The following PPM1H variants were observed in gnomAD, a reference collection of about 807,000 sequenced individuals.
The protein encoded by PPM1H is protein phosphatase, Mg2+/Mn2+ dependent 1H, also known as protein phosphatase 1H.
Under a neutral mutation model 54.9 loss-of-function variants are expected in PPM1H, and 27 were observed. The observed-to-expected ratio is 0.49, with a 90% confidence interval of 0.36 to 0.68. The LOEUF (loss-of-function observed/expected upper bound fraction) is 0.68, where lower values mean the gene tolerates loss of function less well. PPM1H is among the 30% of genes least tolerant of loss of function. PPM1H has a pLI of 0.00. For synonymous variants in PPM1H, 305 were observed against 270.8 expected, an observed-to-expected ratio of 1.13 and a Z score of -1.24; for missense variants, 596 against 667.8, an observed-to-expected ratio of 0.89 and a Z score of 1.19.
At chr12:62,774,411 G>C (rs2076597668) in intron 4 of PPM1H, among the ~76,000 whole-genome samples, 1 of 152,100 alleles carries the variant, frequency 6.6e-6, no homozygotes, top group East Asian at 1.9e-4. Flanking sequence ...GCGTGATCAA[G>C]GTTCATTGCA....
intron 1 of PPM1H, among the ~76,000 whole-genome samples, chr12:62,929,444 G>A (rs1448149176): frequency 3.3e-5 from 5 of 152,250 alleles, no homozygotes; most frequent in East Asian, 1.9e-4. Flanking sequence ...CAAACATTGA[G>A]AATTAAAAAT....
intron 8 of PPM1H, among the ~76,000 whole-genome samples, chr12:62,684,682 T>C (rs544373887): frequency 2.0e-5 from 3 of 151,916 alleles, no homozygotes; most frequent in Non-Finnish European, 4.4e-5. Flanking sequence ...AACCCAAATG[T>C]GAAATAAAGA....
At chr12:62,897,168 G>A (rs1455399922) in intron 1 of PPM1H, among the ~76,000 whole-genome samples, 1 of 151,872 alleles carries the variant, frequency 6.6e-6, no homozygotes, top group Non-Finnish European at 1.5e-5. Flanking sequence ...GTTAATGGGT[G>A]CAGCACACAA....
intron 1 of PPM1H, among the ~76,000 whole-genome samples, chr12:62,933,742 T>C (rs1287299014): frequency 6.6e-6 from 1 of 151,976 alleles, no homozygotes; most frequent in Non-Finnish European, 1.5e-5. Context: ...CTTTCCCGAT[T>C]CCACTCTGGG....
chr12:62,845,029 A>G (rs1242154847), intron 1 of PPM1H, among the ~76,000 whole-genome samples: 2 of 152,134 alleles, frequency 1.3e-5, no homozygotes, highest in African/African-American at 4.8e-5. Flanking sequence ...TCCAAATTCC[A>G]CCTCTGGCTT....
intron 6 of PPM1H, among the ~76,000 whole-genome samples, chr12:62,697,803 C>T (rs185098465): frequency 1.3e-3 from 203 of 152,132 alleles, no homozygotes; most frequent in Non-Finnish European, 2.4e-3. Context: ...AAATCACTCG[C>T]TAGTTTTACA....
intron 9 of PPM1H, among the ~76,000 whole-genome samples, chr12:62,654,614 C>A (rs1045327174): frequency 1.3e-5 from 2 of 152,184 alleles, no homozygotes; most frequent in African/African-American, 2.4e-5. Flanking sequence ...TCCCTTCGTT[C>A]CTCCTCTAAA....
At chr12:62,692,137 C>T (rs544246910) in intron 7 of PPM1H, among the ~76,000 whole-genome samples, 20 of 152,114 alleles carry the variant, frequency 1.3e-4, no homozygotes, top group South Asian at 1.2e-3. Flanking sequence ...TAGGGGTACG[C>T]GGAGAAGAAA....
intron 1 of PPM1H, among the ~76,000 whole-genome samples, chr12:62,881,454 G>T (rs951548457): frequency 2.0e-5 from 3 of 151,678 alleles, no homozygotes; most frequent in Non-Finnish European, 4.4e-5. Context: ...GGGGAGGGGG[G>T]AAGAAAAAGA....
intron 1 of PPM1H, among the ~76,000 whole-genome samples, chr12:62,902,986 C>T (rs959556643): frequency 1.3e-5 from 2 of 152,152 alleles, no homozygotes; most frequent in African/African-American, 2.4e-5. Flanking sequence ...TATTTGATCA[C>T]TGCTTTTTTA....
Position 62,663,767 on chromosome 12 carries a change from G to A in PPM1H, c.1397+3411C>T, listed in dbSNP as rs569104601. Among the ~76,000 whole-genome samples the A allele has an allele frequency of 1.3e-4, 20 of 152,248 alleles. 1 individual carries two copies. In the East Asian group the frequency reaches 1.5e-3, roughly 12 times the overall value. ...AGCACTTTGGGAGGCCGAGGTGGGC[G>A]CATCACCTGAGGTTGGGAGCTCGAG... is the stretch of plus-strand genomic sequence containing the variant. On this transcript the variant is annotated intron_variant, in intron 9 of 9. Coordinates refer to ENST00000228705, the MANE Select transcript of PPM1H (RefSeq NM_020700.2).
At chr12:62,658,991 A>G (rs1005273233) in intron 9 of PPM1H, 12 of 721,080 alleles carry the variant, frequency 1.7e-5, no homozygotes, top group Non-Finnish European at 3.1e-5. Flanking sequence ...GATGCCCAAC[A>G]TTGGTTATGG....
intron 6 of PPM1H, among the ~76,000 whole-genome samples, chr12:62,708,265 TGA>T (rs1482086690): frequency 2.0e-5 from 3 of 152,114 alleles, no homozygotes; most frequent in African/African-American, 4.8e-5. Context: ...GGTGGTAGGA[TGA>T]GATTTTTCAG....
intron 6 of PPM1H, among the ~76,000 whole-genome samples, chr12:62,712,823 G>A (rs1311137514): frequency 6.6e-6 from 1 of 152,150 alleles, no homozygotes; most frequent in Non-Finnish European, 1.5e-5. Context: ...AATGAGGAGT[G>A]TCAGTTGGGG....
intron 1 of PPM1H, among the ~76,000 whole-genome samples, chr12:62,842,221 A>G (rs1490339301): frequency 4.6e-5 from 7 of 152,206 alleles, no homozygotes; most frequent in African/African-American, 1.7e-4. Flanking sequence ...AGCTATTTGC[A>G]TCTGTTGGTG....
chr12:62,825,368 C>A lies in PPM1H; in HGVS notation c.411+6746G>T, dbSNP rs375388117. Among the ~76,000 whole-genome samples the A allele has an allele frequency of 6.6e-5, 10 of 152,300 alleles. No individual in the cohort carries two copies. In the South Asian group the frequency reaches 1.0e-3, roughly 16 times the overall value. On this transcript the variant is annotated intron_variant, in intron 2 of 9. Transcript: ENST00000228705. Reference sequence around the variant, plus strand: ...GAACTAGAAATATCATTTGACCCAGCCATCCCATTACCGGGTATATACCCA... The same window carrying A: ...GAACTAGAAATATCATTTGACCCAGACATCCCATTACCGGGTATATACCCA...
intron 4 of PPM1H, among the ~76,000 whole-genome samples, chr12:62,761,473 A>G (rs1238540099): frequency 6.6e-6 from 1 of 152,186 alleles, no homozygotes; most frequent in East Asian, 1.9e-4. Flanking sequence ...TATATTTTCT[A>G]CAAGAAACAT....
At chr12:62,859,592 T>A (rs894927988) in intron 1 of PPM1H, among the ~76,000 whole-genome samples, 2 of 152,220 alleles carry the variant, frequency 1.3e-5, no homozygotes, top group African/African-American at 4.8e-5. Context: ...AATGGCCTAA[T>A]TCCTCTTCCA....
chr12:62,887,753 G>C (rs1270561364), intron 1 of PPM1H, among the ~76,000 whole-genome samples: 3 of 152,190 alleles, frequency 2.0e-5, no homozygotes, highest in Non-Finnish European at 4.4e-5. Context: ...CTAAATATAG[G>C]TGATGGTCAT....
Sources: gnomAD v4.1 joint callset for allele counts (sites outside exome capture counted in the v4.1 genomes callset) on GRCh38, gnomAD v4.1.1 for gene constraint, MANE v1.5 for transcripts, NCBI Gene and HGNC (gene_info 2026-07-23, HGNC 2026-07-21) for gene names.